RELN: variants seen among roughly 807,000 people sequenced by gnomAD.
RELN encodes reelin.
RELN carries 108 observed loss-of-function variants against 427.6 expected under a neutral mutation model. The observed-to-expected ratio is 0.25, with a 90% CI of 0.22 to 0.30. The LOEUF (loss-of-function observed/expected upper bound fraction) is 0.30, where lower values mean the gene tolerates loss of function less well. Ranked by LOEUF, RELN falls within the 10% of genes least tolerant of loss-of-function variation. The pLI is 1.00. For synonymous variants in RELN, 1,524 were observed against 1,513.4 expected (o/e 1.01, Z -0.16); for missense variants, 3,715 against 4,302.8 (o/e 0.86, Z 3.82).
Position 103,482,984 on chromosome 7 carries a change from CAGA to C in RELN, c.10182-16_10182-14del, listed in dbSNP as rs1436009384. ...CATCCGTGCCTCCCTGGGTCACACA[CAGA>C]AGGACAAAGAAGTTATACATTAGGA... On this transcript the variant is annotated splice_polypyrimidine_tract_variant and intron_variant, in intron 62 of 64. Transcript: ENST00000428762. 5 of 1,611,032 alleles carry C rather than the reference CAGA, an allele frequency of 3.1e-6. No homozygotes were observed. The highest frequency in any genetic ancestry group is 1.7e-5 in the Admixed American group (1 of 60,018).
intron 3 of RELN, among the ~76,000 whole-genome samples, chr7:103,786,150 C>T (rs1445653105): frequency 3.3e-5 from 5 of 151,340 alleles, no homozygotes; most frequent in African/African-American, 9.7e-5. Flanking sequence ...ACTTTTTTTC[C>T]GTTATAAAGG....
At chr7:103,869,486 A>T (rs982750626) in intron 2 of RELN, among the ~76,000 whole-genome samples, 1 of 152,082 alleles carries the variant, frequency 6.6e-6, no homozygotes, top group African/African-American at 2.4e-5. Flanking sequence ...TTATTCAAAA[A>T]TATCTGTAAT....
chr7:103,969,565 T>C (rs1373514534), intron 1 of RELN, among the ~76,000 whole-genome samples: 1 of 152,230 alleles, frequency 6.6e-6, no homozygotes, highest in Non-Finnish European at 1.5e-5. Flanking sequence ...CTGGGAAAAC[T>C]GGCCGAAAAT....
chr7:103,780,283 CA>C (rs1791855517), intron 3 of RELN, among the ~76,000 whole-genome samples: 1 of 152,166 alleles, frequency 6.6e-6, no homozygotes, highest in African/African-American at 2.4e-5. Context: ...AAATCTAAGA[CA>C]AGATACATTA....
intron 8 of RELN, among the ~76,000 whole-genome samples, chr7:103,718,171 G>C (rs1194521598): frequency 1.3e-5 from 2 of 152,056 alleles, no homozygotes; most frequent in Non-Finnish European, 2.9e-5. Context: ...CGTGTAAACA[G>C]AGTGGCTCTC....
intron 7 of RELN, among the ~76,000 whole-genome samples, chr7:103,727,242 A>G (rs1296033864): frequency 6.6e-6 from 1 of 152,126 alleles, no homozygotes; most frequent in African/African-American, 2.4e-5. Flanking sequence ...ACAACCTATT[A>G]CTAGAAGCCC....
At chr7:103,814,959 G>A (rs1181002927) in intron 3 of RELN, among the ~76,000 whole-genome samples, 2 of 152,224 alleles carry the variant, frequency 1.3e-5, no homozygotes, top group Non-Finnish European at 2.9e-5. Context: ...TCCAGAGGAA[G>A]GGACAGTTGC....
At chr7:103,666,283 G>A (rs114506456) in intron 11 of RELN, among the ~76,000 whole-genome samples, 1,592 of 152,072 alleles carry the variant, frequency 0.01, 34 homozygotes, top group African/African-American at 0.036. Context: ...CGTTGCCCAG[G>A]CTGGTCTGAA....
intron 1 of RELN, among the ~76,000 whole-genome samples, chr7:103,943,065 T>C (rs1213254313): frequency 6.6e-6 from 1 of 152,206 alleles, no homozygotes; most frequent in African/African-American, 2.4e-5. Flanking sequence ...CAGAAATAAG[T>C]GTACACTTAA....
chr7:103,663,839 G>A (rs1250445686), intron 11 of RELN, among the ~76,000 whole-genome samples: 1 of 152,178 alleles, frequency 6.6e-6, no homozygotes, highest in Non-Finnish European at 1.5e-5. Flanking sequence ...AAAATATTCA[G>A]AGAGGTTTTC....
chr7:103,681,111 C>T (rs1034504845), intron 11 of RELN, among the ~76,000 whole-genome samples: 1 of 152,056 alleles, frequency 6.6e-6, no homozygotes, highest in Non-Finnish European at 1.5e-5. Flanking sequence ...CTTTCATAGA[C>T]AAGCTTTGAG....
chr7:103,771,526 T>C (rs1386679153), intron 4 of RELN, among the ~76,000 whole-genome samples: 1 of 152,150 alleles, frequency 6.6e-6, no homozygotes, highest in Non-Finnish European at 1.5e-5. Flanking sequence ...GGCCCCCTTC[T>C]CAGCAGGCTG....
intron 1 of RELN, among the ~76,000 whole-genome samples, chr7:103,957,895 G>A (rs1362930766): frequency 6.6e-6 from 1 of 152,140 alleles, no homozygotes; most frequent in Non-Finnish European, 1.5e-5. Flanking sequence ...GTAATAGTCT[G>A]AAGGATAATA....
intron 42 of RELN, 115 bp downstream of exon 42, chr7:103,545,009 T>C (rs1390783881): frequency 3.7e-6 from 3 of 807,390 alleles, no homozygotes; most frequent in Non-Finnish European, 4.2e-6. Context: ...ATGTTCACAA[T>C]TGAAATAATA....
At chr7:103,973,432 C>G (rs961337344) in intron 1 of RELN, among the ~76,000 whole-genome samples, 166 of 151,932 alleles carry the variant, frequency 1.1e-3, no homozygotes, top group Non-Finnish European at 6.0e-4. Flanking sequence ...AAAAGACGCT[C>G]TCAGCACAAA....
intron 46 of RELN, among the ~76,000 whole-genome samples, chr7:103,530,290 A>G (rs939737561): frequency 2.0e-5 from 3 of 152,214 alleles, no homozygotes; most frequent in African/African-American, 7.2e-5. Context: ...ACTAGGCTTC[A>G]AACTCTGGAG....
At chr7:103,699,424 T>C (rs1054731746) in intron 9 of RELN, among the ~76,000 whole-genome samples, 35 of 152,140 alleles carry the variant, frequency 2.3e-4, no homozygotes, top group Admixed American at 9.2e-4. Context: ...TAGGTAGTGA[T>C]TGGGAGCACT....
intron 2 of RELN, among the ~76,000 whole-genome samples, chr7:103,869,046 A>G (rs1179191775): frequency 6.6e-6 from 1 of 152,006 alleles, no homozygotes; most frequent in East Asian, 1.9e-4. Context: ...GTAATTATCG[A>G]TATGGTTGGG....
chr7:103,506,129 A>T (rs1829201542), intron 51 of RELN, among the ~76,000 whole-genome samples: 1 of 152,224 alleles, frequency 6.6e-6, no homozygotes, highest in Non-Finnish European at 1.5e-5. Context: ...TCTGAAAGTG[A>T]TGGGGAGAAT....
Sources: gnomAD v4.1 joint callset for allele counts (sites outside exome capture counted in the v4.1 genomes callset) on GRCh38, gnomAD v4.1.1 for gene constraint, MANE v1.5 for transcripts, NCBI Gene and HGNC (gene_info 2026-07-23, HGNC 2026-07-21) for gene names.